The following CACNA1B variants were observed in gnomAD, a reference collection of about 807,000 sequenced individuals.
CACNA1B encodes calcium voltage-gated channel subunit alpha1 B.
Under a neutral mutation model 247.2 loss-of-function variants are expected in CACNA1B, and 70 were observed. The ratio of observed to expected loss-of-function variants is 0.28; its 90% CI spans 0.23 to 0.35. The LOEUF (loss-of-function observed/expected upper bound fraction) is 0.35. CACNA1B is among the 10% of genes least tolerant of loss of function. The pLI, the probability that CACNA1B is intolerant of heterozygous loss-of-function variation, is 1.00. For synonymous variants in CACNA1B, 1,231 were observed against 1,294.4 expected (o/e 0.95, Z 1.05); for missense variants, 2,367 against 3,197.4 (o/e 0.74, Z 6.26).
intron 12 of CACNA1B, among the ~76,000 whole-genome samples, chr9:137,980,531 T>A (rs1487310925): frequency 6.6e-6 from 1 of 152,230 alleles, no homozygotes; most frequent in Non-Finnish European, 1.5e-5. Flanking sequence ...CAAGTTTTAT[T>A]TAGATTCAGG....
intron 20 of CACNA1B, among the ~76,000 whole-genome samples, chr9:138,036,296 C>T (rs574349267): frequency 2.8e-3 from 429 of 152,276 alleles, no homozygotes; most frequent in African/African-American, 9.0e-3. Flanking sequence ...CCCGCCACCA[C>T]GCCTGGCTTA....
At chr9:137,927,680 T>A (rs535808223) in intron 6 of CACNA1B, among the ~76,000 whole-genome samples, 1 of 152,334 alleles carries the variant, frequency 6.6e-6, no homozygotes, top group Non-Finnish European at 1.5e-5. Context: ...GCTGACATAT[T>A]TGCCATGCTC....
intron 3 of CACNA1B, among the ~76,000 whole-genome samples, chr9:137,883,635 G>T (rs1233839599): frequency 6.6e-6 from 1 of 151,652 alleles, no homozygotes; most frequent in Non-Finnish European, 1.5e-5. Context: ...GGAAGGCTGG[G>T]CTGGGCTGCT....
intron 6 of CACNA1B, among the ~76,000 whole-genome samples, chr9:137,925,378 T>C (rs926193044): frequency 6.6e-6 from 1 of 152,114 alleles, no homozygotes; most frequent in Non-Finnish European, 1.5e-5. Context: ...AAATGTGTAG[T>C]CTGCTAGGTG....
intron 3 of CACNA1B, among the ~76,000 whole-genome samples, chr9:137,893,469 T>C (rs1156276060): frequency 6.7e-6 from 1 of 150,010 alleles, no homozygotes; most frequent in African/African-American, 2.5e-5. Flanking sequence ...ACCAACATGG[T>C]GAAACCCCAT....
chr9:138,040,229 C>T (rs1477097484), intron 20 of CACNA1B, among the ~76,000 whole-genome samples: 3 of 152,066 alleles, frequency 2.0e-5, no homozygotes, highest in East Asian at 1.9e-4. Context: ...TGAGCCACTG[C>T]GCCTGGCCTA....
At position 137,878,224 on chromosome 9, in the gene CACNA1B, T is replaced by TGCCGGGCGGG. The variant is rs531869178; in HGVS notation, c.284+29_284+38dup. The TGCCGGGCGGG allele has an allele frequency of 7.4e-5, 41 of 555,052 alleles. No individual in the cohort carries two copies. Among genetic ancestry groups the TGCCGGGCGGG allele is most frequent in the Middle Eastern group, 3.9e-4 (1 of 2,574 alleles). 34.4% of individuals were successfully genotyped at this position (555,052 alleles called of 1,614,324 possible). On this transcript the variant is annotated splice_region_variant and intron_variant, in intron 1 of 46. Transcript: ENST00000371372. ...AGCGCATCACCGAGTGGCCATATCC[T>TGCCGGGCGGG]GCCGGGCGGGGCCGGGCGGGGCCGG...
intron 11 of CACNA1B, among the ~76,000 whole-genome samples, chr9:137,975,055 C>T (rs1958202351): frequency 6.6e-6 from 1 of 152,176 alleles, no homozygotes; most frequent in African/African-American, 2.4e-5. Flanking sequence ...CCTCACCCAG[C>T]TCTGGAGCCA....
intron 12 of CACNA1B, among the ~76,000 whole-genome samples, chr9:137,978,195 C>T (rs1189380467): frequency 1.4e-5 from 2 of 143,098 alleles, no homozygotes; most frequent in Non-Finnish European, 3.1e-5. Flanking sequence ...AGCATTGCCC[C>T]CCCCCAGGAA....
chr9:137,932,937 TTATTA>T (rs1350835662), intron 6 of CACNA1B, among the ~76,000 whole-genome samples: 1 of 68,838 alleles, frequency 1.5e-5, no homozygotes, highest in Non-Finnish European at 2.4e-5. Flanking sequence ...ATTTATTTAT[TTATTA>T]TATTTTTTGA....
At chr9:138,048,540 C>T (rs1195721926) in intron 23 of CACNA1B, among the ~76,000 whole-genome samples, 1 of 152,146 alleles carries the variant, frequency 6.6e-6, no homozygotes, top group Non-Finnish European at 1.5e-5. Flanking sequence ...TGACCTGGGC[C>T]GTGTCTCCCT....
intron 38 of CACNA1B, among the ~76,000 whole-genome samples, chr9:138,103,060 AG>A (rs1961307072): frequency 6.6e-6 from 1 of 151,988 alleles, no homozygotes; most frequent in Non-Finnish European, 1.5e-5. Context: ...CCCCTTTGAG[AG>A]CCCCCTGGAG....
At chr9:138,107,038 C>G (rs1327567134) in intron 39 of CACNA1B, among the ~76,000 whole-genome samples, 1 of 152,038 alleles carries the variant, frequency 6.6e-6, no homozygotes, top group Admixed American at 6.6e-5. Context: ...ATCCCACAAA[C>G]TTTGGGTGTG....
At chr9:137,889,306 C>T (rs528740799) in intron 3 of CACNA1B, among the ~76,000 whole-genome samples, 4 of 150,272 alleles carry the variant, frequency 2.7e-5, no homozygotes, top group African/African-American at 7.2e-5. Flanking sequence ...CCTCCAGTGC[C>T]GGGTCGGGCT....
rs200434343 is a variant in CACNA1B, at chr9:138,115,532, T to C, written c.5650-20T>C. 9.3e-6 allele frequency: 15 copies of C among 1,608,686 alleles called. No individual in the cohort carries two copies. Among genetic ancestry groups the C allele is most frequent in the Middle Eastern group, 1.9e-4 (1 of 5,306 alleles). On this transcript the variant is annotated intron_variant, in intron 41 of 46. Transcript: ENST00000371372. ...GCAGGCCCATTGGAGCTCTTTCCCT[T>C]CCCTTTGCCTCCTTTGCAGATGGGT... is the stretch of plus-strand genomic sequence containing the variant.
chr9:137,907,872 G>A (rs1486311318), intron 3 of CACNA1B, among the ~76,000 whole-genome samples: 1 of 152,148 alleles, frequency 6.6e-6, no homozygotes, highest in African/African-American at 2.4e-5. Flanking sequence ...TTATGTGTGA[G>A]TGATGCTTCC....
chr9:138,009,442 G>A (rs1418952298), intron 16 of CACNA1B, among the ~76,000 whole-genome samples: 1 of 152,232 alleles, frequency 6.6e-6, no homozygotes. Flanking sequence ...AGCACTAGGT[G>A]GCATCTGTGG....
intron 3 of CACNA1B, among the ~76,000 whole-genome samples, chr9:137,895,190 C>T (rs117797123): frequency 0.01 from 1,545 of 152,238 alleles, 20 homozygotes; most frequent in Non-Finnish European, 0.018. Flanking sequence ...TTCTTTATTC[C>T]GTTCCATTGA....
chr9:138,069,631 C>G, intron 31 of CACNA1B, 127 bp from the exon 32 acceptor site: 1 of 706,668 alleles, frequency 1.4e-6, no homozygotes, highest in South Asian at 1.6e-5. Context: ...CCTGCTGACT[C>G]ACGCCATCCA....
Sources: gnomAD v4.1 joint callset for allele counts (sites outside exome capture counted in the v4.1 genomes callset) on GRCh38, gnomAD v4.1.1 for gene constraint, MANE v1.5 for transcripts, NCBI Gene and HGNC (gene_info 2026-07-23, HGNC 2026-07-21) for gene names.